GRM5: variants seen among roughly 807,000 people sequenced by gnomAD.
The protein encoded by GRM5 is glutamate metabotropic receptor 5.
Under a neutral mutation model 83.1 loss-of-function variants are expected in GRM5, and 19 were observed. The observed-to-expected ratio is 0.23, with a 90% confidence interval of 0.16 to 0.34. The LOEUF (loss-of-function observed/expected upper bound fraction) is 0.34. Ranked by LOEUF, GRM5 falls within the 10% of genes least tolerant of loss-of-function variation. The pLI is 1.00. For missense variants in GRM5, 1,160 were observed against 1,588.3 expected (o/e 0.73, Z 4.58); for synonymous variants, 675 against 633.6 (o/e 1.07, Z -0.98).
intron 3 of GRM5, among the ~76,000 whole-genome samples, chr11:88,727,354 G>C (rs1337124082): frequency 6.6e-6 from 1 of 152,146 alleles, no homozygotes. Context: ...AAATATATAA[G>C]CACCCAATAC....
intron 2 of GRM5, among the ~76,000 whole-genome samples, chr11:88,967,800 C>T (rs1013677007): frequency 1.3e-5 from 2 of 152,030 alleles, no homozygotes; most frequent in Non-Finnish European, 2.9e-5. Flanking sequence ...GGCCATTTGT[C>T]TGAGGCTAGA....
At chr11:89,024,321 G>A (rs546174225) in intron 2 of GRM5, among the ~76,000 whole-genome samples, 8 of 152,124 alleles carry the variant, frequency 5.3e-5, no homozygotes, top group African/African-American at 1.2e-4. Context: ...TAGCCCTGCC[G>A]GGCCAGAGAT....
rs1467873684 is a variant in GRM5, at chr11:88,938,554, T to TTA, written c.662-88400_662-88399insTA. Among the ~76,000 whole-genome samples the TTA allele has an allele frequency of 2.6e-3, 388 of 149,314 alleles. 3 individuals are homozygous for TTA. The highest frequency in any genetic ancestry group is 9.4e-3 in the African/African-American group (373 of 39,790). On this transcript the variant is annotated intron_variant, in intron 2 of 9. Coordinates refer to ENST00000305447, the MANE Select transcript of GRM5 (RefSeq NM_001143831.3). Reference sequence around the variant, plus strand: ...ATATTTTTATGAGGTATTACTTCATTTTTTTTTTTTAAAGAAGAAGGTACA... The same window carrying TTA: ...ATATTTTTATGAGGTATTACTTCATTTATTTTTTTTTTAAAGAAGAAGGTACA...
chr11:89,062,435 G>A (rs1942014650), intron 1 of GRM5, among the ~76,000 whole-genome samples: 1 of 152,190 alleles, frequency 6.6e-6, no homozygotes, highest in Non-Finnish European at 1.5e-5. Context: ...CAGGATTAGA[G>A]ACACAAATTA....
intron 3 of GRM5, among the ~76,000 whole-genome samples, chr11:88,768,468 A>G (rs1591501043): frequency 6.6e-6 from 1 of 151,858 alleles, no homozygotes. Context: ...GTTACTGTTT[A>G]ATAGGTATAG....
intron 3 of GRM5, among the ~76,000 whole-genome samples, chr11:88,741,832 A>G (rs1338937449): frequency 2.0e-5 from 3 of 151,982 alleles, no homozygotes; most frequent in African/African-American, 7.2e-5. Context: ...GGGTTAAGAG[A>G]GGATTTCCTG....
At chr11:88,919,893 G>A (rs1945659236) in intron 2 of GRM5, among the ~76,000 whole-genome samples, 1 of 151,968 alleles carries the variant, frequency 6.6e-6, no homozygotes, top group Non-Finnish European at 1.5e-5. Context: ...ATGGGATACA[G>A]AGAAAGCAAT....
intron 2 of GRM5, among the ~76,000 whole-genome samples, chr11:89,027,226 A>C (rs1941148588): frequency 6.6e-6 from 1 of 151,676 alleles, no homozygotes; most frequent in Non-Finnish European, 1.5e-5. Flanking sequence ...CTCCCAAGTA[A>C]CTGGGACTAC....
intron 3 of GRM5, among the ~76,000 whole-genome samples, chr11:88,832,574 A>G (rs11021517): frequency 0.025 from 3,876 of 152,192 alleles, 174 homozygotes; most frequent in African/African-American, 0.089. Flanking sequence ...TAATTCCTTT[A>G]AAAATACCAA....
intron 8 of GRM5, among the ~76,000 whole-genome samples, chr11:88,557,956 T>C (rs145583884): frequency 2.1e-4 from 32 of 152,224 alleles, no homozygotes; most frequent in Middle Eastern, 6.8e-3. Flanking sequence ...TAGTTTATTC[T>C]TCAGTGACTT....
chr11:88,953,433 TTC>T (rs1269740115), intron 2 of GRM5, among the ~76,000 whole-genome samples: 3 of 152,222 alleles, frequency 2.0e-5, no homozygotes, highest in African/African-American at 7.2e-5. Context: ...TCATGTTTTT[TTC>T]TTTCTTAAGT....
intron 3 of GRM5, among the ~76,000 whole-genome samples, chr11:88,704,164 C>T (rs1055989800): frequency 1.3e-5 from 2 of 152,068 alleles, no homozygotes; most frequent in African/African-American, 4.8e-5. Flanking sequence ...CCCACTTTCA[C>T]TACATAATCT....
intron 4 of GRM5, among the ~76,000 whole-genome samples, chr11:88,644,408 T>G (rs973360494): frequency 3.3e-5 from 5 of 152,184 alleles, no homozygotes; most frequent in Admixed American, 6.5e-5. Context: ...GGGATAGGGA[T>G]TTGGAAAACA....
At chr11:88,547,664 A>C (rs1158251635) in intron 8 of GRM5, among the ~76,000 whole-genome samples, 2 of 152,172 alleles carry the variant, frequency 1.3e-5, no homozygotes, top group African/African-American at 4.8e-5. Context: ...TTTTCAGCTA[A>C]AGAATAATGG....
At chr11:88,754,530 G>C (rs758029114) in intron 3 of GRM5, among the ~76,000 whole-genome samples, 1 of 152,092 alleles carries the variant, frequency 6.6e-6, no homozygotes, top group Non-Finnish European at 1.5e-5. Flanking sequence ...TATTCTACCA[G>C]AATGGAAGGG....
intron 4 of GRM5, among the ~76,000 whole-genome samples, chr11:88,608,710 C>T (rs965664034): frequency 4.0e-5 from 6 of 151,638 alleles, no homozygotes; most frequent in African/African-American, 1.2e-4. Flanking sequence ...TTAGTAGAGA[C>T]GGGGTTTCAC....
At chr11:88,887,932 G>A (rs1480607808) in intron 2 of GRM5, among the ~76,000 whole-genome samples, 2 of 152,096 alleles carry the variant, frequency 1.3e-5, no homozygotes, top group African/African-American at 4.8e-5. Context: ...TCCCCAAAAT[G>A]AGAAAAGCAA....
intron 2 of GRM5, among the ~76,000 whole-genome samples, chr11:89,014,138 G>T (rs1463970399): frequency 2.0e-5 from 3 of 152,058 alleles, no homozygotes; most frequent in Admixed American, 2.0e-4. Context: ...GTTTGTGCAT[G>T]TGTCAAATAC....
chr11:88,617,032 G>C (rs1938503750), intron 4 of GRM5, among the ~76,000 whole-genome samples: 1 of 152,198 alleles, frequency 6.6e-6, no homozygotes, highest in African/African-American at 2.4e-5. Flanking sequence ...GCCTCAAGGA[G>C]TGTGATCAAA....
Sources: allele counts gnomAD v4.1 joint callset (sites outside exome capture counted in the v4.1 genomes callset), GRCh38; gene constraint gnomAD v4.1.1; transcripts MANE v1.5; gene names NCBI Gene and HGNC (gene_info 2026-07-23, HGNC 2026-07-21).